The following TRPS1 variants were observed in gnomAD, a reference collection of about 807,000 sequenced individuals.
TRPS1 encodes the protein zinc finger transcription factor Trps1.
Under a neutral mutation model 101.2 loss-of-function variants are expected in TRPS1, and 6 were observed. The ratio of observed to expected loss-of-function variants is 0.06; its 90% CI spans 0.03 to 0.12. The LOEUF (loss-of-function observed/expected upper bound fraction) is 0.12. Ranked by LOEUF, TRPS1 falls within the 10% of genes least tolerant of loss-of-function variation. The pLI is 1.00. For missense variants in TRPS1, 1,363 were observed against 1,567.0 expected (o/e 0.87, Z 2.20); for synonymous variants, 578 against 589.8 (o/e 0.98, Z 0.29).
chr8:115,553,291 T>C (rs989550902), intron 5 of TRPS1, among the ~76,000 whole-genome samples: 1 of 152,094 alleles, frequency 6.6e-6, no homozygotes, highest in Non-Finnish European at 1.5e-5. Flanking sequence ...TATTTCAACT[T>C]TGTAATTGCA....
At chr8:115,551,103 A>G (rs1214691044) in intron 5 of TRPS1, among the ~76,000 whole-genome samples, 1 of 152,142 alleles carries the variant, frequency 6.6e-6, no homozygotes, top group Non-Finnish European at 1.5e-5. Context: ...CAGGCACAAC[A>G]CTGGAAGTAA....
intron 1 of TRPS1, among the ~76,000 whole-genome samples, chr8:115,628,110 GAAGT>G (rs1292717028): frequency 6.6e-6 from 1 of 151,704 alleles, no homozygotes; most frequent in African/African-American, 2.4e-5. Flanking sequence ...AAAATGAAGG[GAAGT>G]AACTTTGTGC....
rs142574723 is a variant in TRPS1 at position 115,575,321 on chromosome 8, G to A, written c.2700+11680C>T. On this transcript the variant is annotated intron_variant, in intron 5 of 6. Transcript: ENST00000395715. Reference sequence around the variant, plus strand: ...AGAATATACGCTGCTATAAAACAGCGTGTAATTTATTAGAAAGTGAAATTA... The same window carrying A: ...AGAATATACGCTGCTATAAAACAGCATGTAATTTATTAGAAAGTGAAATTA... 2.6e-4 allele frequency among the ~76,000 whole-genome samples: 40 copies of A among 152,146 alleles called. No individual in the cohort carries two copies. The East Asian group carries it at 4.6e-3, about 18-fold the overall frequency.
In TRPS1 at chr8:115,604,809, G is replaced by A. The variant is rs757270035; in HGVS notation, c.1160C>T (p.Pro387Leu). Residue 387 changes from proline (P) to leucine (L), a missense_variant, in exon 4 of 7, where the codon CCT (proline) becomes CTT (leucine). Pro to Leu is a moderately conservative substitution (Grantham distance 98). Transcript: ENST00000395715. This position sits in a 1 kb window ranked among gnomAD's most constrained non-coding sequence, Gnocchi z 4.1. The part of the protein sequence containing the change: ...ASLPSSEVAK[P>L]SEKNSNKSIP... ...GGACTTGTTAGAGTTTTTCTCTGAAGGTTTTGCAACCTCAGAGGAGGGGAG... is the reference window on the plus strand; with the variant it reads ...GGACTTGTTAGAGTTTTTCTCTGAAAGTTTTGCAACCTCAGAGGAGGGGAG... The A allele has an allele frequency of 6.2e-7, 1 of 1,614,030 alleles. No homozygotes were observed. Among genetic ancestry groups the A allele is most frequent in the Non-Finnish European group, 8.5e-7 (1 of 1,179,970 alleles).
At chr8:115,547,221 GCAT>G (rs1449790478) in intron 5 of TRPS1, among the ~76,000 whole-genome samples, 1 of 152,036 alleles carries the variant, frequency 6.6e-6, no homozygotes, top group Non-Finnish European at 1.5e-5. Context: ...GACTTTCTAA[GCAT>G]CACTTGCTTT....
intron 3 of TRPS1, among the ~76,000 whole-genome samples, chr8:115,609,561 C>T (rs1818116600): frequency 6.6e-6 from 1 of 152,146 alleles, no homozygotes; most frequent in Admixed American, 6.5e-5. Flanking sequence ...GGCCACAGTA[C>T]TTCATGGCAC....
intron 5 of TRPS1, among the ~76,000 whole-genome samples, chr8:115,533,870 G>A (rs1193022557): frequency 6.6e-6 from 1 of 152,096 alleles, no homozygotes; most frequent in Middle Eastern, 3.2e-3. Flanking sequence ...GAGAGTCAGA[G>A]ATAGAGCAAG....
chr8:115,528,128 CA>C lies in TRPS1; in HGVS notation c.2700+58872del, dbSNP rs1310642929. On this transcript the variant is annotated intron_variant, in intron 5 of 6. Coordinates refer to ENST00000395715, the MANE Select transcript of TRPS1 (RefSeq NM_014112.5). ...GAAAAAAGTAAGTAACTTAAATAGT[CA>C]CCATAAAAGACTGATACAACCTTTC... Among the ~76,000 whole-genome samples, 17 of 152,164 alleles carry C rather than the reference CA, an allele frequency of 1.1e-4. 1 individual carries two copies. The East Asian group carries it at 2.5e-3, about 22-fold the overall frequency.
At chr8:115,515,675 T>A (rs1815693067) in intron 5 of TRPS1, among the ~76,000 whole-genome samples, 1 of 151,532 alleles carries the variant, frequency 6.6e-6, no homozygotes, top group South Asian at 2.1e-4. Flanking sequence ...TGTGGTTTAA[T>A]ATTTATTAAA....
chr8:115,639,294 C>T (rs527697029), intron 1 of TRPS1, among the ~76,000 whole-genome samples: 1 of 152,194 alleles, frequency 6.6e-6, no homozygotes, highest in Admixed American at 6.5e-5. Flanking sequence ...GTCTCGAACT[C>T]CAAGGCTCAA....
intron 5 of TRPS1, among the ~76,000 whole-genome samples, chr8:115,552,342 A>G (rs768739733): frequency 1.3e-5 from 2 of 152,168 alleles, no homozygotes; most frequent in Non-Finnish European, 2.9e-5. Context: ...ACAATCTAAA[A>G]ATGCTGGAAT....
intron 1 of TRPS1, among the ~76,000 whole-genome samples, chr8:115,642,030 C>T (rs1220423243): frequency 2.0e-5 from 3 of 151,956 alleles, no homozygotes; most frequent in East Asian, 1.9e-4. Flanking sequence ...CTGGAAAATA[C>T]AGCAAGACTC....
chr8:115,498,389 C>CTG (rs1815206300), intron 5 of TRPS1, among the ~76,000 whole-genome samples: 1 of 72,930 alleles, frequency 1.4e-5, no homozygotes, highest in Non-Finnish European at 2.5e-5. Flanking sequence ...CTCTCTCTCT[C>CTG]TCTCTCTCTC....
intron 4 of TRPS1, among the ~76,000 whole-genome samples, chr8:115,602,148 CGTGTGT>C (rs111443409): frequency 6.6e-6 from 1 of 150,874 alleles, no homozygotes; most frequent in Non-Finnish European, 1.5e-5. Flanking sequence ...AGTGCGTGTG[CGTGTGT>C]GTGTGTGTGC....
At position 115,503,127 on chromosome 8, in the gene TRPS1, G is replaced by A. The variant is rs1485507144; in HGVS notation, c.2700+83874C>T. 6.6e-5 allele frequency among the ~76,000 whole-genome samples: 10 copies of A among 151,888 alleles called. No homozygotes were observed. In the East Asian group the frequency reaches 1.6e-3, roughly 24 times the overall value. On this transcript the variant is annotated intron_variant, in intron 5 of 6. Transcript: ENST00000395715. ...AAATTACCTGGGCGTGGTGGCGGGC[G>A]CTTGTATTCCCAGCTACTTGGGAGG...
intron 5 of TRPS1, among the ~76,000 whole-genome samples, chr8:115,535,571 T>C (rs1039708571): frequency 6.0e-5 from 9 of 149,802 alleles, no homozygotes; most frequent in African/African-American, 2.2e-4. Flanking sequence ...ATATAATTAG[T>C]ATTTCACAGG....
intron 5 of TRPS1, among the ~76,000 whole-genome samples, chr8:115,442,643 G>T (rs1007809072): frequency 2.6e-5 from 4 of 151,814 alleles, no homozygotes; most frequent in South Asian, 4.2e-4. Context: ...TGCAAAATGA[G>T]AATTTAAGTT....
At chr8:115,567,798 T>C (rs1817104712) in intron 5 of TRPS1, among the ~76,000 whole-genome samples, 1 of 152,082 alleles carries the variant, frequency 6.6e-6, no homozygotes, top group African/African-American at 2.4e-5. Context: ...CAATCCACTA[T>C]GTTAATATAA....
intron 5 of TRPS1, chr8:115,511,359 C>T (rs765987118): frequency 6.6e-6 from 1 of 151,888 alleles, no homozygotes; most frequent in Admixed American, 6.6e-5. Context: ...GGCCTTTGAT[C>T]AGCAGTACTT....
Sources: gnomAD v4.1 joint callset for allele counts (sites outside exome capture counted in the v4.1 genomes callset) on GRCh38, gnomAD v4.1.1 for gene constraint, Gnocchi (gnomAD v3.1) non-coding constraint, MANE v1.5 for transcripts, NCBI Gene and HGNC (gene_info 2026-07-23, HGNC 2026-07-21) for gene names.